CLIP2: variants seen among roughly 807,000 people sequenced by gnomAD.
The protein encoded by CLIP2 is CAP-Gly domain containing linker protein 2.
In CLIP2, 41 loss-of-function variants were observed where a neutral mutation model predicts 111.7. That is an observed-to-expected ratio of 0.37 (90% confidence interval 0.29 to 0.48). CLIP2 has a LOEUF of 0.48. CLIP2 is among the 20% of genes least tolerant of loss of function. The pLI is 0.99. For missense variants in CLIP2, 1,160 were observed against 1,422.1 expected, an observed-to-expected ratio of 0.82 and a Z score of 2.96; for synonymous variants, 660 against 644.2, an observed-to-expected ratio of 1.02 and a Z score of -0.37.
intron 3 of CLIP2, 111 bp downstream of exon 3, chr7:74,339,115 G>A (rs1214091188): frequency 3.0e-6 from 3 of 1,011,112 alleles, no homozygotes; most frequent in Non-Finnish European, 4.3e-6. Flanking sequence ...GACTCGAAGG[G>A]GGCTCGGACA....
chr7:74,402,751 A>G (rs781915495), intron 16 of CLIP2, among the ~76,000 whole-genome samples: 3 of 152,174 alleles, frequency 2.0e-5, no homozygotes, highest in African/African-American at 4.8e-5. Flanking sequence ...TGGAGCACAG[A>G]TGCTCGCTAG....
At chr7:74,399,667 G>A (rs577910082) in intron 14 of CLIP2, among the ~76,000 whole-genome samples, 2 of 151,678 alleles carry the variant, frequency 1.3e-5, no homozygotes, top group Non-Finnish European at 2.9e-5. Flanking sequence ...GGCCTCCAGA[G>A]TAGCTGGGAC....
chr7:74,363,677 G>A (rs1790396993), intron 7 of CLIP2, among the ~76,000 whole-genome samples: 1 of 152,166 alleles, frequency 6.6e-6, no homozygotes, highest in African/African-American at 2.4e-5. Flanking sequence ...TTGAGGCCAG[G>A]AGTTCGAGAC....
intron 16 of CLIP2, 60 bp downstream of exon 16, chr7:74,401,627 A>G: frequency 1.3e-6 from 2 of 1,521,238 alleles, no homozygotes; most frequent in East Asian, 2.3e-5. Flanking sequence ...TCTGGAGAAA[A>G]TCCTTGAAAC....
intron 1 of CLIP2, among the ~76,000 whole-genome samples, chr7:74,292,758 T>C (rs1333895629): frequency 6.6e-6 from 1 of 152,200 alleles, no homozygotes; most frequent in Admixed American, 6.6e-5. Flanking sequence ...ATTTTACAGA[T>C]AAGAATATCC....
At chr7:74,324,540 A>C (rs1789060547) in intron 2 of CLIP2, among the ~76,000 whole-genome samples, 1 of 152,128 alleles carries the variant, frequency 6.6e-6, no homozygotes, top group African/African-American at 2.4e-5. Flanking sequence ...AAGCTGTCCC[A>C]GAGAGAGAAA....
At chr7:74,310,310 A>G (rs1354202709) in intron 1 of CLIP2, among the ~76,000 whole-genome samples, 1 of 152,018 alleles carries the variant, frequency 6.6e-6, no homozygotes, top group African/African-American at 2.4e-5. Context: ...GGATCCTTTC[A>G]GTCCAGGAGT....
intron 3 of CLIP2, among the ~76,000 whole-genome samples, chr7:74,345,602 GA>G (rs1412118515): frequency 6.6e-6 from 1 of 151,996 alleles, no homozygotes; most frequent in African/African-American, 2.4e-5. Flanking sequence ...TTGGGAGGCT[GA>G]GGGTGGGTGG....
At chr7:74,299,491 C>T (rs1473452021) in intron 1 of CLIP2, among the ~76,000 whole-genome samples, 1 of 152,192 alleles carries the variant, frequency 6.6e-6, no homozygotes, top group Non-Finnish European at 1.5e-5. Flanking sequence ...AGCAGGTGCT[C>T]ATGGCCTGCT....
chr7:74,339,798 C>G (rs1789604912), intron 3 of CLIP2, among the ~76,000 whole-genome samples: 1 of 152,074 alleles, frequency 6.6e-6, no homozygotes, highest in African/African-American at 2.4e-5. Context: ...CTCAAGACCC[C>G]TGGTCCTGGC....
intron 1 of CLIP2, among the ~76,000 whole-genome samples, chr7:74,306,449 C>T (rs1179812567): frequency 1.3e-5 from 2 of 152,158 alleles, no homozygotes; most frequent in African/African-American, 2.4e-5. Flanking sequence ...TCTCTGCAGG[C>T]GTGCCCGCTT....
chr7:74,318,811 C>A (rs1445022374), intron 2 of CLIP2, among the ~76,000 whole-genome samples: 2 of 152,166 alleles, frequency 1.3e-5, no homozygotes, highest in African/African-American at 4.8e-5. Context: ...ATACTCCAGC[C>A]AGCAGGATAG....
chr7:74,303,317 G>A (rs1353406597), intron 1 of CLIP2, among the ~76,000 whole-genome samples: 1 of 152,240 alleles, frequency 6.6e-6, no homozygotes, highest in Non-Finnish European at 1.5e-5. Context: ...CGTGGAGCAG[G>A]TGAGGTGCCA....
At chr7:74,398,291 G>A (rs578236836) in intron 14 of CLIP2, among the ~76,000 whole-genome samples, 9 of 152,124 alleles carry the variant, frequency 5.9e-5, no homozygotes, top group African/African-American at 1.9e-4. Flanking sequence ...CCCAGGAGGC[G>A]GAGGTTGGAG....
intron 9 of CLIP2, among the ~76,000 whole-genome samples, chr7:74,375,468 G>T (rs563874013): frequency 7.2e-6 from 1 of 138,884 alleles, no homozygotes; most frequent in South Asian, 2.3e-4. Flanking sequence ...CAGGAGAATC[G>T]CTTGAACCTG....
At chr7:74,293,911 G>A (rs563748225) in intron 1 of CLIP2, among the ~76,000 whole-genome samples, 9 of 151,790 alleles carry the variant, frequency 5.9e-5, no homozygotes, top group African/African-American at 1.9e-4. Context: ...TGGGACTCGG[G>A]CTTTTTTTTT....
At chr7:74,354,048 C>T (rs1554308054) in intron 4 of CLIP2, 44 bp downstream of exon 4, 1 of 1,574,954 alleles carries the variant, frequency 6.3e-7, no homozygotes, top group Admixed American at 1.7e-5. Flanking sequence ...GGGCTCCTCT[C>T]CCCAGGGTGG....
intron 3 of CLIP2, among the ~76,000 whole-genome samples, chr7:74,347,853 A>G (rs1192612470): frequency 6.6e-6 from 1 of 152,236 alleles, no homozygotes; most frequent in Non-Finnish European, 1.5e-5. Flanking sequence ...GTGTTAGAAG[A>G]TAAAGATAAG....
rs1454412253 is a variant in CLIP2, at chr7:74,307,871, G to A, written c.-67-9609G>A. On this transcript the variant is annotated intron_variant, in intron 1 of 16. Transcript: ENST00000223398. The stretch of plus-strand genomic sequence containing the variant: ...TTAATTTTGGGAGCGTTCCCTGGGA[G>A]TAGTGTTTCTGGGGATTTGTGTCCT... Among the ~76,000 whole-genome samples, 4 of 152,264 alleles carry A rather than the reference G, an allele frequency of 2.6e-5. No individual in the cohort carries two copies. In the East Asian group the frequency reaches 5.8e-4, roughly 22 times the overall value.
Sources: gnomAD v4.1 joint callset for allele counts (sites outside exome capture counted in the v4.1 genomes callset) on GRCh38, gnomAD v4.1.1 for gene constraint, MANE v1.5 for transcripts, NCBI Gene and HGNC (gene_info 2026-07-23, HGNC 2026-07-21) for gene names.